GRM2: variants seen among roughly 807,000 people sequenced by gnomAD.
GRM2 encodes metabotropic glutamate receptor 2.
Under a neutral mutation model 60.4 loss-of-function variants are expected in GRM2, and 35 were observed. That is an observed-to-expected ratio of 0.58 (90% CI 0.44 to 0.77). GRM2 has a LOEUF of 0.77. Ranked by LOEUF, GRM2 falls within the 30% of genes least tolerant of loss-of-function variation. GRM2 has a pLI of 0.00. For missense variants in GRM2, 925 were observed against 1,199.5 expected, an observed-to-expected ratio of 0.77 and a Z score of 3.38; for synonymous variants, 437 against 484.1, an observed-to-expected ratio of 0.90 and a Z score of 1.28.
chr3:51,712,341 G>A lies in GRM2; in HGVS notation c.451-132G>A, dbSNP rs924287609. On this transcript the variant is annotated intron_variant, in intron 2 of 5. Coordinates refer to ENST00000395052, the MANE Select transcript of GRM2 (RefSeq NM_000839.5). This position sits in a 1 kb window ranked among gnomAD's most constrained non-coding sequence, Gnocchi z 5.3. ...GGAAGACTGTCAAGTCAGGATGCAG[G>A]GCTTTAGAGAGGGAGCCTTTAGGCC... The A allele has an allele frequency of 1.5e-6, 1 of 685,526 alleles. No individual in the cohort carries two copies. The highest frequency in any genetic ancestry group is 1.8e-5 in the African/African-American group (1 of 56,050). The allele number at this position is 685,526 out of a possible 1,614,324, so 42.5% of individuals were successfully genotyped here. A position where few individuals can be genotyped will look rare whatever the true frequency, so the allele number is the denominator to read the frequency against.
chr3:51,718,033 T>C lies in GRM2; in HGVS notation c.2546-6T>C, dbSNP rs1192221943. ...TTGGCCCCAACCTCTGGCTTCCTTT[T>C]CTTAGGGTCTGGCTCCCAGTTTGTC... On this transcript the variant is annotated splice_polypyrimidine_tract_variant and splice_region_variant and intron_variant, in intron 5 of 5. Transcript: ENST00000395052. The surrounding 1 kb of genome is among the most constrained non-coding windows in gnomAD (Gnocchi z 4.2). 6.2e-7 allele frequency: 1 copy of C among 1,613,890 alleles called. No individual in the cohort carries two copies. Among genetic ancestry groups the C allele is most frequent in the East Asian group, 2.2e-5 (1 of 44,868 alleles).
intron 1 of GRM2, 95 bp downstream of exon 1, chr3:51,707,262 G>C (rs2107078573): frequency 6.5e-6 from 1 of 152,710 alleles, no homozygotes; most frequent in East Asian, 1.9e-4. Context: ...CAAGTTGTGG[G>C]GCGCCCGCGC....
In GRM2 at chr3:51,717,368, C is replaced by T. The variant is rs184715167; in HGVS notation, c.2365-269C>T. On this transcript the variant is annotated intron_variant, in intron 4 of 5. Transcript: ENST00000395052. This position sits in a 1 kb window ranked among gnomAD's most constrained non-coding sequence, Gnocchi z 6.0. ...ACATGCACGCACTCCATTCCTGCAG[C>T]CCCCAGATGCACACACCCCTGTGTA... 3.0e-4 allele frequency among the ~76,000 whole-genome samples: 45 copies of T among 152,240 alleles called. No individual in the cohort carries two copies. Among genetic ancestry groups the T allele is most frequent in the African/African-American group, 9.6e-4 (40 of 41,530 alleles).
intron 1 of GRM2, 89 bp from the exon 2 acceptor site, chr3:51,708,759 G>T: frequency 2.0e-6 from 1 of 502,430 alleles, no homozygotes; most frequent in Non-Finnish European, 3.5e-6. Flanking sequence ...CTAGGAAAGG[G>T]GCTCGTGGGG....
chr3:51,708,816 GTCTGTTTT>G (rs886561532), intron 1 of GRM2, 24 bp from the exon 2 acceptor site: 85 of 552,332 alleles, frequency 1.5e-4, no homozygotes, highest in Non-Finnish European at 2.6e-4. Context: ...ACTTTTCCTG[GTCTGTTTT>G]TCTGTCTTTC....
At position 51,715,249 on chromosome 3, in the gene GRM2, C is replaced by T. The variant is rs755186954; in HGVS notation, c.1476C>T (p.Ala492=). 22 of 1,609,174 alleles carry T rather than the reference C, an allele frequency of 1.4e-5. No individual in the cohort carries two copies. The highest frequency in any genetic ancestry group is 3.3e-5 in the South Asian group (3 of 90,404). ...TSLIPWASPS[A]GPLPASRCSE... ...TCATCCCATGGGCCTCACCCTCAGC[C>T]GGCCCCCTGCCCGCCTCTCGCTGCA... The change falls in exon 4 of 6, where the codon GCC becomes GCT. Residue 492 remains alanine (A), a synonymous_variant. Transcript: ENST00000395052. This position sits in a 1 kb window ranked among gnomAD's most constrained non-coding sequence, Gnocchi z 9.0.
chr3:51,715,982 C>T lies in GRM2; in HGVS notation c.2209C>T (p.Leu737Phe), dbSNP rs1240580406. 6.2e-7 allele frequency: 1 copy of T among 1,614,094 alleles called. No homozygotes were observed. The change falls in exon 4 of 6, where the codon CTC becomes TTC. Residue 737 changes from leucine (L) to phenylalanine (F), a missense_variant. By Grantham distance (22) the Leu-to-Phe change is conservative (BLOSUM62 0). Transcript: ENST00000395052. The surrounding 1 kb of genome is among the most constrained non-coding windows in gnomAD (Gnocchi z 9.0). ...GTTGGGCTCGCTGGCCTACAATGTG[C>T]TCCTCATCGCGCTCTGCACGCTTTA... ...SMLGSLAYNV[L>F]LIALCTLYAF...
At chr3:51,711,285 A>G (rs569382935) in intron 2 of GRM2, 2 of 152,426 alleles carry the variant, frequency 1.3e-5, no homozygotes, top group Middle Eastern at 3.4e-3. Context: ...TGGCTGTGCT[A>G]GCATCTATTT....
In GRM2 at chr3:51,716,173, A is replaced by G; in HGVS notation, c.2364+36A>G. The G allele has an allele frequency of 7.5e-7, 1 of 1,332,542 alleles. No individual in the cohort carries two copies. Among genetic ancestry groups the G allele is most frequent in the South Asian group, 1.2e-5 (1 of 83,906 alleles). The allele number at this position is 1,332,542 out of a possible 1,614,324, so 82.5% of individuals were successfully genotyped here. On this transcript the variant is annotated intron_variant, in intron 4 of 5. Transcript: ENST00000395052. This position sits in a 1 kb window ranked among gnomAD's most constrained non-coding sequence, Gnocchi z 4.0. ...TGCCACAGAGGTCGGGGGAGATGGG[A>G]CACCAGACCCTCTGTTTCCTGGTAT...
rs754621747 is a variant in GRM2 at position 51,709,154 on chromosome 3, T to C, written c.171T>C (p.Arg57=). ...ACTGTGGTCCTGTCAATGAGCACCG[T>C]GGCATCCAGCGCCTGGAGGCCATGC... ...AEDCGPVNEH[R]GIQRLEAMLF... The change falls in exon 2 of 6, where the codon CGT becomes CGC. Residue 57 remains arginine, a synonymous_variant. Coordinates refer to ENST00000395052, the MANE Select transcript of GRM2 (RefSeq NM_000839.5). 2.2e-5 allele frequency: 36 copies of C among 1,612,384 alleles called. No individual in the cohort carries two copies. Among genetic ancestry groups the C allele is most frequent in the Non-Finnish European group, 2.8e-5 (33 of 1,179,654 alleles).
intron 1 of GRM2, chr3:51,708,300 C>T (rs571532463): frequency 6.6e-6 from 1 of 152,270 alleles, no homozygotes; most frequent in Admixed American, 6.5e-5. Context: ...TTTTTAAGAA[C>T]CAAAGGTTAG....
rs1164543830 is a variant in GRM2 at position 51,715,359 on chromosome 3, A to G, written c.1586A>G (p.Glu529Gly). 1.9e-6 allele frequency: 3 copies of G among 1,613,806 alleles called. No individual in the cohort carries two copies. In the Admixed American group the frequency reaches 5.0e-5, roughly 27 times the overall value. ...CWLCIPCQPY[E>G]YRLDEFTCAD... ...CTCTGCATTCCGTGCCAGCCCTATG[A>G]GTACCGATTGGACGAATTCACTTGC... Residue 529 changes from glutamate to glycine, a missense_variant, in exon 4 of 6, where the codon GAG becomes GGG. Physicochemically the swap from Glu to Gly is moderately conservative, Grantham distance 98 (BLOSUM62 -2). Coordinates refer to ENST00000395052, the MANE Select transcript of GRM2 (RefSeq NM_000839.5). The surrounding 1 kb of genome is among the most constrained non-coding windows in gnomAD (Gnocchi z 9.0).
Position 51,713,383 on chromosome 3 carries a change from ATTCCTTTGCT to A in GRM2, c.1288+74_1288+83del, listed in dbSNP as rs1276585969. On this transcript the variant is annotated intron_variant, in intron 3 of 5. Transcript: ENST00000395052. This position sits in a 1 kb window ranked among gnomAD's most constrained non-coding sequence, Gnocchi z 4.8. ...GAGGGGAAGCAGAACTTCAGCTTCC[ATTCCTTTGCT>A]AAGGAAACAGTAGAGTGAAAGTAAA... 12 of 1,052,618 alleles carry A rather than the reference ATTCCTTTGCT, an allele frequency of 1.1e-5. No homozygotes were observed. Among genetic ancestry groups the A allele is most frequent in the Non-Finnish European group, 9.8e-6 (7 of 717,408 alleles). The allele number at this position is 1,052,618 out of a possible 1,614,324, so 65.2% of individuals were successfully genotyped here. A position where few individuals can be genotyped will look rare whatever the true frequency, so the allele number is the denominator to read the frequency against.
rs1703961749 is a variant in GRM2, at chr3:51,717,875, G to A, written c.2545+58G>A. 21 of 1,546,860 alleles carry A rather than the reference G, an allele frequency of 1.4e-5. No individual in the cohort carries two copies. In the South Asian group the frequency reaches 1.7e-4, roughly 12 times the overall value. On this transcript the variant is annotated intron_variant, in intron 5 of 5. Transcript: ENST00000395052. This position sits in a 1 kb window ranked among gnomAD's most constrained non-coding sequence, Gnocchi z 6.0. ...CCCCTCTCCCTGTCCAGCTCCTTGG[G>A]TTGCTGAGATCTCTTGTCTGGGGGT...
chr3:51,717,313 A>C lies in GRM2; in HGVS notation c.2365-324A>C, dbSNP rs1384807291. 6.6e-6 allele frequency among the ~76,000 whole-genome samples: 1 copy of C among 151,998 alleles called. No individual in the cohort carries two copies. ...TGCAGAAATTCACCACCCCACATAC[A>C]TGCACTTACACAGATATACACACAC... On this transcript the variant is annotated intron_variant, in intron 4 of 5. Coordinates refer to ENST00000395052, the MANE Select transcript of GRM2 (RefSeq NM_000839.5). This position sits in a 1 kb window ranked among gnomAD's most constrained non-coding sequence, Gnocchi z 6.0.
At chr3:51,711,127 G>C (rs1703699219) in intron 2 of GRM2, 1 of 152,244 alleles carries the variant, frequency 6.6e-6, no homozygotes, top group Non-Finnish European at 1.5e-5. Context: ...TCCATCCACT[G>C]CTGGGAGTGG....
rs917235012 is a variant in GRM2 at position 51,712,518 on chromosome 3, G to C, written c.496G>C (p.Ala166Pro). 2 of 1,614,074 alleles carry C rather than the reference G, an allele frequency of 1.2e-6. No homozygotes were observed. The highest frequency in any genetic ancestry group is 1.7e-6 in the Non-Finnish European group (2 of 1,180,018). ...RLFQIPQISY[A>P]STSAKLSDKS... ...ATTTCAGATCCCACAGATTAGCTAC[G>C]CCTCTACCAGTGCCAAGCTGAGTGA... The change falls in exon 3 of 6, where the codon GCC becomes CCC. Residue 166 changes from alanine (A) to proline (P), a missense_variant. Physicochemically the swap from Ala to Pro is conservative, Grantham distance 27. Transcript: ENST00000395052. The surrounding 1 kb of genome is among the most constrained non-coding windows in gnomAD (Gnocchi z 5.3).
rs113498271 is a variant in GRM2, at chr3:51,713,744, T to TTTTCTTTC, written c.1288+454_1288+461dup. On this transcript the variant is annotated intron_variant, in intron 3 of 5. Coordinates refer to ENST00000395052, the MANE Select transcript of GRM2 (RefSeq NM_000839.5). The surrounding 1 kb of genome is among the most constrained non-coding windows in gnomAD (Gnocchi z 4.8). ...GTCTTTCTTTTTTCTTTTCTTTCTT[T>TTTTCTTTC]TTTCTTTCTTTCTTTCTTTCTTTCT... 173 of 230,766 alleles carry TTTTCTTTC rather than the reference T, an allele frequency of 7.5e-4. No individual in the cohort carries two copies. The highest frequency in any genetic ancestry group is 3.5e-3 in the African/African-American group (148 of 42,168). The allele number at this position is 230,766 out of a possible 1,614,324, so 14.3% of individuals were successfully genotyped here.
intron 3 of GRM2, chr3:51,714,118 A>G (rs1703818829): frequency 7.0e-5 from 25 of 359,054 alleles, no homozygotes; most frequent in South Asian, 5.3e-4. Flanking sequence ...GGTTAAGATG[A>G]AGAGTACTTC....
Sources: allele counts gnomAD v4.1 joint callset (sites outside exome capture counted in the v4.1 genomes callset), GRCh38; gene constraint gnomAD v4.1.1; non-coding constraint Gnocchi (gnomAD v3.1); transcripts MANE v1.5; gene names NCBI Gene and HGNC (gene_info 2026-07-23, HGNC 2026-07-21).